KCNH8: variants seen among roughly 807,000 people sequenced by gnomAD.
KCNH8 encodes the protein potassium voltage-gated channel subfamily H member 8.
In KCNH8, 70 loss-of-function variants were observed where a neutral mutation model predicts 103.6. The observed-to-expected ratio is 0.68, with a 90% confidence interval of 0.56 to 0.82. The LOEUF (loss-of-function observed/expected upper bound fraction) is 0.82, where lower values mean the gene tolerates loss of function less well. KCNH8 is among the 40% of genes least tolerant of loss of function. The pLI, the probability that KCNH8 is intolerant of heterozygous loss-of-function variation, is 0.00. For missense variants in KCNH8, 1,217 were observed against 1,329.9 expected (o/e 0.92, Z 1.32); for synonymous variants, 498 against 489.4 (o/e 1.02, Z -0.23).
chr3:19,166,368 AAT>A (rs2063283559), intron 1 of KCNH8, among the ~76,000 whole-genome samples: 1 of 152,224 alleles, frequency 6.6e-6, no homozygotes, highest in South Asian at 2.1e-4. Flanking sequence ...CTGATATTTC[AAT>A]ATGATTAAAA....
chr3:19,409,689 CA>C (rs923505725), intron 7 of KCNH8, among the ~76,000 whole-genome samples: 2 of 151,930 alleles, frequency 1.3e-5, no homozygotes, highest in Admixed American at 1.3e-4. Flanking sequence ...AAACAGAAAA[CA>C]AAAAACAAAG....
chr3:19,409,796 A>AC (rs2125146754), intron 7 of KCNH8, among the ~76,000 whole-genome samples: 1 of 152,202 alleles, frequency 6.6e-6, no homozygotes, highest in South Asian at 2.1e-4. Context: ...CATAATGATA[A>AC]ATTGTTCAAG....
intron 3 of KCNH8, among the ~76,000 whole-genome samples, chr3:19,327,408 G>A (rs889618862): frequency 1.3e-5 from 2 of 152,130 alleles, no homozygotes; most frequent in African/African-American, 2.4e-5. Flanking sequence ...TCCTGTCTGA[G>A]CCTCCCAAGT....
intron 2 of KCNH8, among the ~76,000 whole-genome samples, chr3:19,260,487 G>GAT (rs57661437): frequency 0.023 from 899 of 39,912 alleles, 42 homozygotes; most frequent in Non-Finnish European, 0.033. Flanking sequence ...TACTCTATAG[G>GAT]ATATATATAT....
At chr3:19,424,691 A>G (rs1335525187) in intron 7 of KCNH8, among the ~76,000 whole-genome samples, 1 of 152,132 alleles carries the variant, frequency 6.6e-6, no homozygotes, top group Non-Finnish European at 1.5e-5. Flanking sequence ...ACATTCTCTA[A>G]CTATGCATCT....
intron 3 of KCNH8, among the ~76,000 whole-genome samples, chr3:19,295,439 G>A (rs2064984794): frequency 1.3e-5 from 2 of 151,682 alleles, no homozygotes; most frequent in South Asian, 4.2e-4. Context: ...CAGGCTGAGA[G>A]CTAAAACAGC....
intron 3 of KCNH8, among the ~76,000 whole-genome samples, chr3:19,307,955 G>A (rs1472289207): frequency 6.6e-6 from 1 of 151,812 alleles, no homozygotes; most frequent in Non-Finnish European, 1.5e-5. Context: ...TAACTGGATA[G>A]GAGGAATAAG....
chr3:19,494,265 T>G (rs544238197), intron 11 of KCNH8, among the ~76,000 whole-genome samples: 2 of 152,320 alleles, frequency 1.3e-5, no homozygotes, highest in African/African-American at 4.8e-5. Context: ...TCTCGTCTTG[T>G]AGCTCCCATA....
intron 5 of KCNH8, among the ~76,000 whole-genome samples, chr3:19,352,146 A>G (rs1419084697): frequency 1.3e-5 from 2 of 152,174 alleles, no homozygotes; most frequent in African/African-American, 2.4e-5. Flanking sequence ...AGGCCATTAC[A>G]TAATGGTAAA....
chr3:19,247,710 T>C (rs1342012331), intron 1 of KCNH8, among the ~76,000 whole-genome samples: 1 of 152,206 alleles, frequency 6.6e-6, no homozygotes, highest in Non-Finnish European at 1.5e-5. Flanking sequence ...ATTTGAACTA[T>C]AAATGTCTCA....
chr3:19,281,384 T>A, intron 3 of KCNH8, 55 bp downstream of exon 3: 1 of 1,507,190 alleles, frequency 6.6e-7, no homozygotes, highest in East Asian at 2.3e-5. Context: ...TGAAATTGTT[T>A]ACTTAAAAAC....
chr3:19,342,316 A>G (rs2065671178), intron 3 of KCNH8, among the ~76,000 whole-genome samples: 1 of 152,080 alleles, frequency 6.6e-6, no homozygotes, highest in Non-Finnish European at 1.5e-5. Context: ...AAGGAGTAAT[A>G]CCCATTAATG....
intron 2 of KCNH8, among the ~76,000 whole-genome samples, chr3:19,254,982 C>T (rs998444580): frequency 1.3e-5 from 2 of 152,022 alleles, no homozygotes; most frequent in African/African-American, 2.4e-5. Context: ...GGTATATTGA[C>T]GTCATAATCC....
At chr3:19,263,821 C>T (rs2064469051) in intron 2 of KCNH8, among the ~76,000 whole-genome samples, 1 of 152,000 alleles carries the variant, frequency 6.6e-6, no homozygotes, top group South Asian at 2.1e-4. Context: ...TATCTAGTTT[C>T]CTAGAAACAC....
At chr3:19,334,787 GAA>G (rs2065559710) in intron 3 of KCNH8, among the ~76,000 whole-genome samples, 1 of 150,578 alleles carries the variant, frequency 6.6e-6, no homozygotes, top group African/African-American at 2.4e-5. Context: ...ATGGTATTAT[GAA>G]AGAGATTCAT....
At chr3:19,294,609 ATATTT>A (rs982819985) in intron 3 of KCNH8, among the ~76,000 whole-genome samples, 12 of 152,380 alleles carry the variant, frequency 7.9e-5, no homozygotes, top group African/African-American at 2.6e-4. Flanking sequence ...AAGCACATCT[ATATTT>A]TATTTTATTA....
intron 5 of KCNH8, among the ~76,000 whole-genome samples, chr3:19,382,216 A>G (rs1388976122): frequency 6.6e-6 from 1 of 152,186 alleles, no homozygotes; most frequent in Non-Finnish European, 1.5e-5. Flanking sequence ...AAAACAATTC[A>G]TAGATATTAC....
At chr3:19,475,891 G>GT (rs2067963447) in intron 11 of KCNH8, among the ~76,000 whole-genome samples, 1 of 152,222 alleles carries the variant, frequency 6.6e-6, no homozygotes, top group South Asian at 2.1e-4. Flanking sequence ...TCAAAGACTT[G>GT]TTTTTAGTCA....
chr3:19,246,274 G>GTTTTTTTTTTTTTTT (rs920423108), intron 1 of KCNH8, among the ~76,000 whole-genome samples: 1 of 86,350 alleles, frequency 1.2e-5, no homozygotes, highest in Non-Finnish European at 2.2e-5. Flanking sequence ...TGTTGTTGTT[G>GTTTTTTTTTTTTTTT]TTTTTTTTTT....
Sources: gnomAD v4.1 joint callset for allele counts (sites outside exome capture counted in the v4.1 genomes callset) on GRCh38, gnomAD v4.1.1 for gene constraint, MANE v1.5 for transcripts, NCBI Gene and HGNC (gene_info 2026-07-23, HGNC 2026-07-21) for gene names.